Variants in PCSK6 observed in about 807,000 individuals in gnomAD.
The protein encoded by PCSK6 is proprotein convertase subtilisin/kexin type 6.
In PCSK6, 85 loss-of-function variants were observed where a neutral mutation model predicts 123.3. That is an observed-to-expected ratio of 0.69 (90% CI 0.58 to 0.83). The LOEUF (loss-of-function observed/expected upper bound fraction) is 0.83, where lower values mean the gene tolerates loss of function less well. PCSK6 is among the 40% of genes least tolerant of loss of function. PCSK6 has a pLI of 0.00. For synonymous variants in PCSK6, 508 were observed against 516.0 expected (o/e 0.98, Z 0.21); for missense variants, 1,191 against 1,282.3 (o/e 0.93, Z 1.09).
At chr15:101,325,293 G>C (rs1031079378) in intron 16 of PCSK6, among the ~76,000 whole-genome samples, 36 of 152,204 alleles carry the variant, frequency 2.4e-4, no homozygotes, top group African/African-American at 9.6e-5. Context: ...GGGTGCGCAT[G>C]GTTTCCCAAG....
In PCSK6 at chr15:101,429,967, G is replaced by A. The variant is rs1181647595; in HGVS notation, c.734+20C>T. On this transcript the variant is annotated intron_variant, in intron 5 of 21. Transcript: ENST00000611716. ...CAGGGAGGGGAAGAGAAGCCGGGGA[G>A]ATGAGGCGAGGTGACGTACTTATTT... 1 of 1,596,138 alleles carries A rather than the reference G, an allele frequency of 6.3e-7. No homozygotes were observed. Among genetic ancestry groups the A allele is most frequent in the Admixed American group, 1.7e-5 (1 of 60,000 alleles).
At chr15:101,339,561 G>A (rs1482912304) in intron 13 of PCSK6, among the ~76,000 whole-genome samples, 3 of 152,172 alleles carry the variant, frequency 2.0e-5, no homozygotes, top group Non-Finnish European at 2.9e-5. Context: ...CTCCTTAAAA[G>A]GGGTGAATTT....
chr15:101,385,071 C>T (rs916322410), intron 9 of PCSK6, among the ~76,000 whole-genome samples: 8 of 152,110 alleles, frequency 5.3e-5, no homozygotes, highest in South Asian at 2.1e-4. Context: ...GGCTGGAGTG[C>T]GGTGGTGTGA....
At chr15:101,335,673 A>G (rs1034276232) in intron 13 of PCSK6, among the ~76,000 whole-genome samples, 2 of 152,202 alleles carry the variant, frequency 1.3e-5, no homozygotes, top group Non-Finnish European at 2.9e-5. Flanking sequence ...CACAGGAGAG[A>G]TGTAGTGTTG....
rs1429567340 is a variant in PCSK6, at chr15:101,366,223, A to T, written c.1831T>A (p.Ser611Thr). 6.2e-7 allele frequency: 1 copy of T among 1,612,910 alleles called. No homozygotes were observed. Among genetic ancestry groups the T allele is most frequent in the African/African-American group, 1.3e-5 (1 of 74,864 alleles). Reference protein sequence around the residue: ...QWTLEIQDLPSQVRNPEKQGK... With the variant: ...QWTLEIQDLPTQVRNPEKQGK... ...TGCTTCTCCGGGTTGCGGACCTGGGATGGCAGATCTTGGATTTCCAAGGTC... is the reference window on the plus strand; with the variant it reads ...TGCTTCTCCGGGTTGCGGACCTGGGTTGGCAGATCTTGGATTTCCAAGGTC... Residue 611 changes from serine (S) to threonine (T), a missense_variant, in exon 13 of 22, where the codon TCC becomes ACC. Coordinates refer to ENST00000611716, the MANE Select transcript of PCSK6 (RefSeq NM_002570.5).
intron 6 of PCSK6, among the ~76,000 whole-genome samples, chr15:101,417,045 A>ATAG (rs2055911750): frequency 6.6e-6 from 1 of 152,218 alleles, no homozygotes; most frequent in African/African-American, 2.4e-5. Context: ...AGACCCCAGA[A>ATAG]TAGTAGATCC....
intron 1 of PCSK6, among the ~76,000 whole-genome samples, chr15:101,472,771 T>C (rs570926830): frequency 2.0e-5 from 3 of 152,174 alleles, no homozygotes; most frequent in Non-Finnish European, 4.4e-5. Context: ...AATAAGAAAA[T>C]AAATTGGGTT....
At chr15:101,400,698 G>A (rs558705728) in intron 6 of PCSK6, among the ~76,000 whole-genome samples, 6 of 152,268 alleles carry the variant, frequency 3.9e-5, no homozygotes, top group Non-Finnish European at 5.9e-5. Flanking sequence ...GGAAACTGCT[G>A]GGCAGAGATC....
At chr15:101,404,888 T>C (rs1274213949) in intron 6 of PCSK6, among the ~76,000 whole-genome samples, 1 of 152,174 alleles carries the variant, frequency 6.6e-6, no homozygotes, top group East Asian at 1.9e-4. Flanking sequence ...CTACAAGTTA[T>C]AGGTGTTGAA....
intron 13 of PCSK6, among the ~76,000 whole-genome samples, chr15:101,344,482 G>C (rs967866085): frequency 2.9e-4 from 44 of 152,100 alleles, no homozygotes; most frequent in African/African-American, 1.0e-3. Context: ...TGAAGGACTG[G>C]AGAATCACTA....
chr15:101,365,011 G>A (rs770291035), intron 13 of PCSK6: 1 of 777,688 alleles, frequency 1.3e-6, no homozygotes, highest in Non-Finnish European at 2.4e-6. Flanking sequence ...CTCTTCTGTG[G>A]TCAGTTGATT....
At position 101,432,581 on chromosome 15, in the gene PCSK6, A is replaced by T. The variant is rs148031662; in HGVS notation, c.403-481T>A. Among the ~76,000 whole-genome samples the T allele has an allele frequency of 3.3e-3, 504 of 151,330 alleles. 5 individuals carry two copies. Among genetic ancestry groups the T allele is most frequent in the African/African-American group, 0.011 (469 of 41,284 alleles). ...GAAGTCAAGGCTGCAGTGAGCCATG[A>T]TTGGTGCCACTGCACTCCAGTCTGG... On this transcript the variant is annotated intron_variant, in intron 2 of 21. Transcript: ENST00000611716.
At chr15:101,465,208 C>T (rs931939822) in intron 1 of PCSK6, among the ~76,000 whole-genome samples, 4 of 152,216 alleles carry the variant, frequency 2.6e-5, no homozygotes, top group African/African-American at 7.2e-5. Flanking sequence ...TGTCCTCACA[C>T]GTTCCCCAGA....
At chr15:101,347,091 G>T in intron 13 of PCSK6, 1 of 1,231,682 alleles carries the variant, frequency 8.1e-7, no homozygotes, top group Non-Finnish European at 1.0e-6. Context: ...CTTCAGCTCT[G>T]TTTCCAAGGA....
chr15:101,486,206 C>T (rs997301753), intron 1 of PCSK6, among the ~76,000 whole-genome samples: 5 of 152,056 alleles, frequency 3.3e-5, no homozygotes, highest in African/African-American at 7.2e-5. Context: ...TCAGGTGATC[C>T]GCCTGCCTCA....
chr15:101,357,723 C>T (rs77553033), intron 13 of PCSK6, among the ~76,000 whole-genome samples: 3,390 of 152,320 alleles, frequency 0.022, 70 homozygotes, highest in African/African-American at 0.058. Flanking sequence ...CGTTGGGTCC[C>T]GGGTCTTTGG....
chr15:101,479,841 G>T (rs993079497), intron 1 of PCSK6, among the ~76,000 whole-genome samples: 2 of 152,188 alleles, frequency 1.3e-5, no homozygotes, highest in Non-Finnish European at 2.9e-5. Context: ...GTGAACTTGG[G>T]CCTTTTGAAG....
At chr15:101,319,907 C>T (rs1045624909) in intron 18 of PCSK6, among the ~76,000 whole-genome samples, 3 of 152,086 alleles carry the variant, frequency 2.0e-5, no homozygotes, top group African/African-American at 7.2e-5. Flanking sequence ...GCTGCTTTAG[C>T]CAATTAATCG....
chr15:101,326,031 C>T (rs1364182273), intron 16 of PCSK6, among the ~76,000 whole-genome samples: 2 of 152,262 alleles, frequency 1.3e-5, no homozygotes, highest in Non-Finnish European at 2.9e-5. Context: ...CCTGTGAGGA[C>T]AGCACCAGGG....
Sources: allele counts gnomAD v4.1 joint callset (sites outside exome capture counted in the v4.1 genomes callset), GRCh38; gene constraint gnomAD v4.1.1; transcripts MANE v1.5; gene names NCBI Gene and HGNC (gene_info 2026-07-23, HGNC 2026-07-21).